ZFHX4: variants seen among roughly 807,000 people sequenced by gnomAD.
ZFHX4 encodes zinc finger homeobox 4.
In ZFHX4, 56 loss-of-function variants were observed where a neutral mutation model predicts 267.6. The ratio of observed to expected loss-of-function variants is 0.21; its 90% CI spans 0.17 to 0.26. ZFHX4 has a LOEUF of 0.26. Ranked by LOEUF, ZFHX4 falls within the 10% of genes least tolerant of loss-of-function variation. The pLI, the probability that ZFHX4 is intolerant of heterozygous loss-of-function variation, is 1.00. For missense variants in ZFHX4, 4,332 were observed against 4,420.0 expected (o/e 0.98, Z 0.56); for synonymous variants, 1,778 against 1,665.6 (o/e 1.07, Z -1.64).
At chr8:76,745,022 G>A (rs973371452) in intron 3 of ZFHX4, among the ~76,000 whole-genome samples, 8 of 152,126 alleles carry the variant, frequency 5.3e-5, no homozygotes, top group African/African-American at 1.9e-4. Flanking sequence ...CCACAATGCT[G>A]GGCCATGATG....
chr8:76,855,567 C>T lies in ZFHX4; in HGVS notation c.8646C>T (p.His2882=), dbSNP rs749233707. 3 of 1,613,906 alleles carry T rather than the reference C, an allele frequency of 1.9e-6. No homozygotes were observed. The highest frequency in any genetic ancestry group is 2.5e-6 in the Non-Finnish European group (3 of 1,179,862). ...SIHFNDKDGD[H]DQSFYITDDP... ...ATTTCAATGACAAAGATGGCGACCA[C>T]GACCAAAGCTTTTACATCACAGATG... Residue 2882 remains histidine (H), a synonymous_variant, in exon 10 of 11, where the codon CAC becomes CAT. Transcript: ENST00000651372.
chr8:76,787,379 G>A (rs180721113), intron 4 of ZFHX4, among the ~76,000 whole-genome samples: 1 of 152,130 alleles, frequency 6.6e-6, no homozygotes, highest in African/African-American at 2.4e-5. Context: ...TGATTAGGTA[G>A]TGATACTCCA....
rs1812437777 is a variant in ZFHX4, at chr8:76,849,037, G to C, written c.3554G>C (p.Gly1185Ala). Reference sequence around the variant, plus strand: ...AAGGAACTAAAAGTTAGTGTGGCAGGGGGTACCCAGCCACTCCTGCTGGCA... The same window carrying C: ...AAGGAACTAAAAGTTAGTGTGGCAGCGGGTACCCAGCCACTCCTGCTGGCA... Reference protein sequence around the residue: ...PEKELKVSVAGGTQPLLLAKE... With the variant: ...PEKELKVSVAAGTQPLLLAKE... Residue 1185 changes from glycine (G) to alanine (A), a missense_variant, in exon 7 of 11, where the codon GGG (glycine) becomes GCG (alanine). By Grantham distance (60) the Gly-to-Ala change is moderately conservative. Transcript: ENST00000651372. 2.6e-6 allele frequency: 4 copies of C among 1,562,070 alleles called. No individual in the cohort carries two copies. The highest frequency in any genetic ancestry group is 2.4e-5 in the East Asian group (1 of 41,688).
intron 3 of ZFHX4, among the ~76,000 whole-genome samples, chr8:76,765,362 T>A (rs1309610687): frequency 6.6e-6 from 1 of 152,188 alleles, no homozygotes; most frequent in African/African-American, 2.4e-5. Flanking sequence ...ATTGATTATA[T>A]AAAATTTTAG....
In ZFHX4 at chr8:76,851,600, A is replaced by C; in HGVS notation, c.4679A>C (p.Tyr1560Ser). Residue 1560 changes from tyrosine to serine, a missense_variant, in exon 10 of 11, where the codon TAT (tyrosine) becomes TCT (serine). Tyr to Ser is a moderately radical substitution (Grantham distance 144). This residue lies in a region of ZFHX4 where 1,371 missense variants were observed against 1,423.1 expected (regional missense o/e 0.96). Transcript: ENST00000651372. The part of the protein sequence containing the change: ...FTQKNILLVH[Y>S]NSVSHLHKLK... ...CAAAAGAACATTCTCTTGGTCCACT[A>C]TAATTCAGTTTCTCACTTGCATAAG... 6.2e-7 allele frequency: 1 copy of C among 1,613,912 alleles called. No individual in the cohort carries two copies. Among genetic ancestry groups the C allele is most frequent in the Non-Finnish European group, 8.5e-7 (1 of 1,179,860 alleles).
chr8:76,764,595 T>G (rs1004453291), intron 3 of ZFHX4, among the ~76,000 whole-genome samples: 1 of 152,196 alleles, frequency 6.6e-6, no homozygotes, highest in African/African-American at 2.4e-5. Context: ...AAAGAGATGT[T>G]ATTTTCAGAT....
chr8:76,713,833 T>C (rs148366135), intron 3 of ZFHX4, among the ~76,000 whole-genome samples: 8 of 151,874 alleles, frequency 5.3e-5, no homozygotes, highest in East Asian at 3.9e-4. Flanking sequence ...ATGTCAGGGA[T>C]TGGGGTTAGG....
intron 1 of ZFHX4, chr8:76,682,581 G>C (rs920079702): frequency 6.6e-6 from 1 of 152,316 alleles, no homozygotes; most frequent in African/African-American, 2.4e-5. Context: ...TGCTCCGAAC[G>C]GAACGCCGCC....
At chr8:76,787,163 G>A (rs1810713367) in intron 4 of ZFHX4, among the ~76,000 whole-genome samples, 1 of 152,102 alleles carries the variant, frequency 6.6e-6, no homozygotes, top group South Asian at 2.1e-4. Context: ...TGTCACATGA[G>A]TCCCCAACAA....
intron 4 of ZFHX4, among the ~76,000 whole-genome samples, chr8:76,790,379 G>C (rs1427898636): frequency 6.6e-6 from 1 of 152,056 alleles, no homozygotes; most frequent in Non-Finnish European, 1.5e-5. Flanking sequence ...TGGTGGAGCT[G>C]TGGTTTTTAT....
At chr8:76,750,275 A>T (rs867093853) in intron 3 of ZFHX4, among the ~76,000 whole-genome samples, 2 of 152,096 alleles carry the variant, frequency 1.3e-5, no homozygotes, top group Non-Finnish European at 2.9e-5. Context: ...GTATATAAAG[A>T]TTTACATTTG....
intron 3 of ZFHX4, among the ~76,000 whole-genome samples, chr8:76,761,552 A>C (rs1179516971): frequency 2.0e-5 from 3 of 152,190 alleles, no homozygotes; most frequent in African/African-American, 7.2e-5. Flanking sequence ...TATACATTCT[A>C]TGTGTAAATA....
intron 1 of ZFHX4, among the ~76,000 whole-genome samples, chr8:76,696,124 CTACT>C (rs1368535080): frequency 1.3e-5 from 2 of 152,116 alleles, no homozygotes; most frequent in African/African-American, 2.4e-5. Flanking sequence ...TGATATTTTG[CTACT>C]TAAAGTATAA....
In ZFHX4 at chr8:76,853,283, C is replaced by T. The variant is rs943394793; in HGVS notation, c.6362C>T (p.Pro2121Leu). ...TGCCAGCAGCAGCTCGGATTAGATC[C>T]CAACTTCTTAAGACATTCTCAGTTC... ...QLCQQQLGLD[P>L]NFLRHSQFKR... is the part of the protein sequence containing the mutation. The change falls in exon 10 of 11, where the codon CCC becomes CTC. Residue 2121 changes from proline to leucine, a missense_variant. Transcript: ENST00000651372. 6.2e-7 allele frequency: 1 copy of T among 1,605,966 alleles called. No individual in the cohort carries two copies. The highest frequency in any genetic ancestry group is 1.3e-5 in the African/African-American group (1 of 74,748).
At chr8:76,762,005 A>T (rs1809926277) in intron 3 of ZFHX4, among the ~76,000 whole-genome samples, 1 of 152,182 alleles carries the variant, frequency 6.6e-6, no homozygotes. Context: ...TAAAATCAAG[A>T]TTTTTAGAAT....
At chr8:76,721,861 A>G (rs1004234840) in intron 3 of ZFHX4, among the ~76,000 whole-genome samples, 3 of 152,096 alleles carry the variant, frequency 2.0e-5, no homozygotes, top group African/African-American at 4.8e-5. Context: ...TTGTGACCGT[A>G]TGTATGATTT....
At chr8:76,786,081 G>T (rs1330207652) in intron 4 of ZFHX4, among the ~76,000 whole-genome samples, 1 of 152,124 alleles carries the variant, frequency 6.6e-6, no homozygotes, top group Admixed American at 6.5e-5. Context: ...GAGAGGTCAA[G>T]TCTATTTTTA....
intron 1 of ZFHX4, among the ~76,000 whole-genome samples, chr8:76,692,112 C>T (rs1585851712): frequency 1.3e-5 from 2 of 152,124 alleles, no homozygotes; most frequent in East Asian, 1.9e-4. Context: ...TCCTAAGGGG[C>T]TTCTGGGTAT....
At chr8:76,766,190 G>A (rs1421608811) in intron 3 of ZFHX4, among the ~76,000 whole-genome samples, 2 of 151,638 alleles carry the variant, frequency 1.3e-5, no homozygotes, top group Non-Finnish European at 2.9e-5. Context: ...ATAAAAAATT[G>A]ATCATTTAGG....
Sources: allele counts gnomAD v4.1 joint callset (sites outside exome capture counted in the v4.1 genomes callset), GRCh38; gene constraint gnomAD v4.1.1; regional missense constraint gnomAD v4.1.1; transcripts MANE v1.5; gene names NCBI Gene and HGNC (gene_info 2026-07-23, HGNC 2026-07-21).